Variants in MSI2 observed in about 807,000 individuals in gnomAD.
The protein encoded by MSI2 is musashi RNA binding protein 2.
Under a neutral mutation model 45.6 loss-of-function variants are expected in MSI2, and 17 were observed. That is an observed-to-expected ratio of 0.37 (90% confidence interval 0.26 to 0.56). MSI2 has a LOEUF of 0.56. Among genes scored for constraint, MSI2 ranks in the 20% least tolerant of loss-of-function variants. The pLI is 0.77. For synonymous variants in MSI2, 156 were observed against 158.2 expected (o/e 0.99, Z 0.11); for missense variants, 293 against 444.2 (o/e 0.66, Z 3.06).
chr17:57,578,752 A>T (rs2088120177), intron 7 of MSI2, among the ~76,000 whole-genome samples: 1 of 152,132 alleles, frequency 6.6e-6, no homozygotes, highest in African/African-American at 2.4e-5. Flanking sequence ...CGCAAAACCA[A>T]TTCCTCTTTT....
chr17:57,651,278 A>G (rs989517780), intron 10 of MSI2, among the ~76,000 whole-genome samples: 19 of 152,072 alleles, frequency 1.2e-4, no homozygotes, highest in African/African-American at 4.3e-4. Context: ...GCCTTGATCA[A>G]GAAGAAATCC....
downstream of MSI2, among the ~76,000 whole-genome samples, chr17:57,689,365 G>A (rs1400331532): frequency 6.6e-6 from 1 of 152,140 alleles, no homozygotes; most frequent in Admixed American, 6.5e-5. Context: ...TCTGATAGGA[G>A]CAAAAGGTAG....
the MSI2 span, among the ~76,000 whole-genome samples, chr17:57,701,258 C>A: frequency 6.6e-6 from 1 of 152,170 alleles, no homozygotes; most frequent in Non-Finnish European, 1.5e-5. Context: ...AGCCCGCATG[C>A]TTTGCTGTGG....
intron 5 of MSI2, among the ~76,000 whole-genome samples, chr17:57,396,582 T>C (rs2083894872): frequency 6.6e-6 from 1 of 152,348 alleles, no homozygotes; most frequent in African/African-American, 2.4e-5. Context: ...GGTGGAGTGC[T>C]CTTTGCAGCT....
intron 11 of MSI2, among the ~76,000 whole-genome samples, chr17:57,658,022 T>C (rs1423829101): frequency 6.6e-6 from 1 of 152,062 alleles, no homozygotes; most frequent in African/African-American, 2.4e-5. Flanking sequence ...AAAAGGAAAA[T>C]GGATCAATGT....
Position 57,340,246 on chromosome 17 carries a change from C to T in MSI2, c.313-61133C>T, listed in dbSNP as rs1226346262. ...TAAGTGATGGGCCATTGTGCAAACC[C>T]AAGGAGTCGGCCTCCAGACGCACCT... On this transcript the variant is annotated intron_variant, in intron 5 of 13. Coordinates refer to ENST00000284073, the MANE Select transcript of MSI2 (RefSeq NM_138962.4). 2.0e-5 allele frequency among the ~76,000 whole-genome samples: 3 copies of T among 152,132 alleles called. No homozygotes were observed. In the East Asian group the frequency reaches 5.8e-4, roughly 29 times the overall value.
Position 57,502,614 on chromosome 17 carries a change from T to C in MSI2, c.406-27062T>C, listed in dbSNP as rs905153282. On this transcript the variant is annotated intron_variant, in intron 6 of 13. Coordinates refer to ENST00000284073, the MANE Select transcript of MSI2 (RefSeq NM_138962.4). ...AAGATGACTCTGAGATATATATATA[T>C]ATATATATATATATATATATATAGT... Among the ~76,000 whole-genome samples, 6 of 108,568 alleles carry C rather than the reference T, an allele frequency of 5.5e-5. No homozygotes were observed. In the South Asian group the frequency reaches 1.7e-3, roughly 32 times the overall value. The allele number at this position is 108,568 out of a possible 152,430, so 71.2% of individuals were successfully genotyped here. A position where few individuals can be genotyped will look rare whatever the true frequency, so the allele number is the denominator to read the frequency against.
chr17:57,490,013 A>G (rs759330177), intron 6 of MSI2, among the ~76,000 whole-genome samples: 20 of 152,168 alleles, frequency 1.3e-4, no homozygotes, highest in Non-Finnish European at 2.4e-4. Context: ...AAATTCTCAT[A>G]GGAGACTGAA....
At chr17:57,262,121 T>G (rs1433306889) in intron 4 of MSI2, 30 bp from the exon 5 acceptor site, 1 of 1,613,124 alleles carries the variant, frequency 6.2e-7, no homozygotes, top group South Asian at 1.1e-5. Context: ...AGTACTTTAT[T>G]GACTCCTGCT....
intron 13 of MSI2, among the ~76,000 whole-genome samples, chr17:57,677,709 T>G (rs1470094372): frequency 6.6e-6 from 1 of 152,260 alleles, no homozygotes; most frequent in Non-Finnish European, 1.5e-5. Context: ...TTTGGATCCC[T>G]GCCAGTTTCC....
chr17:57,296,634 T>C (rs1016729571), intron 5 of MSI2, among the ~76,000 whole-genome samples: 5 of 152,194 alleles, frequency 3.3e-5, no homozygotes, highest in Non-Finnish European at 7.3e-5. Flanking sequence ...AAATGCAACA[T>C]GTATCCTGGA....
chr17:57,296,936 G>A (rs917071456), intron 5 of MSI2, among the ~76,000 whole-genome samples: 11 of 152,178 alleles, frequency 7.2e-5, no homozygotes, highest in South Asian at 2.1e-4. Context: ...GTGCAGTGGC[G>A]CGATCTCTGC....
At position 57,681,853 on chromosome 17, in the gene MSI2, C is replaced by A; in HGVS notation, c.*2336C>A. On this transcript the variant is annotated 3_prime_UTR_variant, in exon 14 of 14. Transcript: ENST00000284073. ...AAAAAGAAAGAAAAAATAGTAAATT[C>A]CCAGAAATTCAGTGTTTAGACGAGG... 1 of 198,304 alleles carries A rather than the reference C, an allele frequency of 5.0e-6. No homozygotes were observed. The highest frequency in any genetic ancestry group is 1.0e-5 in the Non-Finnish European group (1 of 96,396). 12.3% of individuals were successfully genotyped at this position (198,304 alleles called of 1,614,324 possible). A position where few individuals can be genotyped will look rare whatever the true frequency, so the allele number is the denominator to read the frequency against.
At chr17:57,587,101 C>A (rs1280817037) in intron 7 of MSI2, among the ~76,000 whole-genome samples, 1 of 152,128 alleles carries the variant, frequency 6.6e-6, no homozygotes, top group African/African-American at 2.4e-5. Context: ...GCATTTTTGA[C>A]AAGCCCTTCC....
the MSI2 span, among the ~76,000 whole-genome samples, chr17:57,696,487 C>T: frequency 6.6e-6 from 1 of 152,186 alleles, no homozygotes; most frequent in Admixed American, 6.5e-5. Flanking sequence ...TGCTAGCAAT[C>T]CCAATGTTTT....
chr17:57,299,145 G>A (rs557909936), intron 5 of MSI2, among the ~76,000 whole-genome samples: 5 of 152,296 alleles, frequency 3.3e-5, no homozygotes, highest in South Asian at 4.1e-4. Flanking sequence ...AGAGAGCTAG[G>A]GTCTTGCCTT....
chr17:57,295,992 CTTTTTTTTTTTTTTTTTTTTTTTTTTTT>C (rs386386327), intron 5 of MSI2, among the ~76,000 whole-genome samples: 1 of 38,624 alleles, frequency 2.6e-5, no homozygotes, highest in African/African-American at 6.8e-5. Flanking sequence ...CGCAGCCTTC[CTTTTTTTTTTTTTTTTTTTTTTTTTTTT>C]TTTTTTGCCT....
chr17:57,256,802 C>G lies in MSI2; in HGVS notation c.60C>G (p.Pro20=), dbSNP rs1310012336. 2.0e-6 allele frequency: 3 copies of G among 1,473,486 alleles called. No homozygotes were observed. Among genetic ancestry groups the G allele is most frequent in the Middle Eastern group, 2.5e-4 (1 of 4,014 alleles). 91.3% of individuals were successfully genotyped at this position (1,473,486 alleles called of 1,614,324 possible). ...SGSANDSQHD[P]GKMFIGGLSW... is the part of the protein sequence containing the mutation. Reference sequence around the variant, plus strand: ...GCGCCAACGACTCCCAGCACGACCCCGGGTAAGTTTCCAGCCGCTGCCCAC... The same window carrying G: ...GCGCCAACGACTCCCAGCACGACCCGGGGTAAGTTTCCAGCCGCTGCCCAC... The change falls in exon 1 of 14, where the codon CCC becomes CCG. Residue 20 remains proline, a splice_region_variant and synonymous_variant. Transcript: ENST00000284073.
intron 5 of MSI2, among the ~76,000 whole-genome samples, chr17:57,346,557 A>C (rs984173844): frequency 6.6e-6 from 1 of 151,224 alleles, no homozygotes; most frequent in Non-Finnish European, 1.5e-5. Context: ...ACAATAAATA[A>C]TCTTTCTTTT....
Sources: gnomAD v4.1 joint callset for allele counts (sites outside exome capture counted in the v4.1 genomes callset) on GRCh38, gnomAD v4.1.1 for gene constraint, MANE v1.5 for transcripts, NCBI Gene and HGNC (gene_info 2026-07-23, HGNC 2026-07-21) for gene names.